PDE4D: variants seen among roughly 807,000 people sequenced by gnomAD.
PDE4D encodes the protein 3',5'-cyclic-AMP phosphodiesterase 4D.
PDE4D carries 24 observed loss-of-function variants against 87.4 expected under a neutral mutation model. The observed-to-expected ratio is 0.27, with a 90% CI of 0.20 to 0.39. The LOEUF (loss-of-function observed/expected upper bound fraction) is 0.39, where lower values mean the gene tolerates loss of function less well. Ranked by LOEUF, PDE4D falls within the 10% of genes least tolerant of loss-of-function variation. PDE4D has a pLI of 1.00. For missense variants in PDE4D, 714 were observed against 1,041.0 expected (o/e 0.69, Z 4.32); for synonymous variants, 384 against 383.2 (o/e 1.00, Z -0.02).
Position 58,974,859 on chromosome 5 carries a change from C to A in PDE4D, c.2235G>T (p.Glu745Asp), listed in dbSNP as rs182029606. 8.2e-5 allele frequency: 133 copies of A among 1,612,684 alleles called. No individual in the cohort carries two copies. Among genetic ancestry groups the A allele is most frequent in the Non-Finnish European group, 1.1e-4 (129 of 1,179,108 alleles). ...TGCCACTGTCCTTTTCCGTGTCTGA[C>A]TCACCATCTTCCTCTAAAGTTAGTT... ...QFELTLEEDG[E>D]SDTEKDSGSQ... Residue 745 changes from glutamate (E) to aspartate (D), a missense_variant, in exon 15 of 15, where the codon GAG becomes GAT. Physicochemically the swap from Glu to Asp is conservative, Grantham distance 45. Coordinates refer to ENST00000340635, the MANE Select transcript of PDE4D (RefSeq NM_001104631.2).
At chr5:59,624,744 T>C (rs1830703929) in intron 1 of PDE4D, among the ~76,000 whole-genome samples, 1 of 152,264 alleles carries the variant, frequency 6.6e-6, no homozygotes, top group South Asian at 2.1e-4. Context: ...ATGGTAGAAC[T>C]CTTAGCATTC....
intron 1 of PDE4D, among the ~76,000 whole-genome samples, chr5:59,838,597 T>A (rs1347861057): frequency 2.0e-5 from 3 of 152,096 alleles, no homozygotes; most frequent in Admixed American, 2.0e-4. Flanking sequence ...AATGTCAGAT[T>A]ACCAACTCGT....
chr5:59,638,410 G>A (rs192213081), intron 1 of PDE4D, among the ~76,000 whole-genome samples: 224 of 152,204 alleles, frequency 1.5e-3, no homozygotes, highest in African/African-American at 5.1e-3. Flanking sequence ...AAAAGAAAAG[G>A]TGACTTGCTG....
At chr5:59,441,086 C>G (rs1185577524) in intron 1 of PDE4D, among the ~76,000 whole-genome samples, 1 of 152,168 alleles carries the variant, frequency 6.6e-6, no homozygotes, top group African/African-American at 2.4e-5. Flanking sequence ...CATTCAAAAA[C>G]AAGCCTGAGT....
intron 1 of PDE4D, among the ~76,000 whole-genome samples, chr5:59,281,266 T>C (rs941241039): frequency 2.0e-5 from 3 of 152,148 alleles, no homozygotes; most frequent in Non-Finnish European, 4.4e-5. Flanking sequence ...CCTACTTCTA[T>C]CTTTATGTAT....
chr5:60,042,121 G>A (rs1055584164), intron 2 of PDE4D, among the ~76,000 whole-genome samples: 1 of 152,110 alleles, frequency 6.6e-6, no homozygotes, highest in African/African-American at 2.4e-5. Context: ...CTTGGTGAGG[G>A]GAGGGGTGTC....
intron 1 of PDE4D, chr5:59,275,479 G>A: frequency 6.5e-7 from 1 of 1,543,770 alleles, no homozygotes; most frequent in Non-Finnish European, 8.7e-7. Context: ...CTGCAAAGAA[G>A]ATTTTAAAGA....
chr5:60,358,755 G>A (rs1219724794), intron 1 of PDE4D, among the ~76,000 whole-genome samples: 2 of 152,136 alleles, frequency 1.3e-5, no homozygotes, highest in Non-Finnish European at 2.9e-5. Flanking sequence ...CAAGTTCAGT[G>A]TTGAGATATT....
chr5:60,097,681 G>A (rs2149324269), intron 2 of PDE4D, among the ~76,000 whole-genome samples: 1 of 151,882 alleles, frequency 6.6e-6, no homozygotes, highest in Non-Finnish European at 1.5e-5. Flanking sequence ...GGTAATATTA[G>A]AGATCAGTTA....
intron 1 of PDE4D, among the ~76,000 whole-genome samples, chr5:59,381,796 T>A (rs1785920325): frequency 6.6e-6 from 1 of 152,134 alleles, no homozygotes. Flanking sequence ...TTCCAGGAAG[T>A]GGATCTATTT....
intron 1 of PDE4D, among the ~76,000 whole-genome samples, chr5:59,286,374 T>G: frequency 6.6e-6 from 1 of 152,196 alleles, no homozygotes; most frequent in East Asian, 1.9e-4. Context: ...ATGCCCTAGG[T>G]CTTACATTAG....
intron 5 of PDE4D, among the ~76,000 whole-genome samples, chr5:59,068,978 G>A (rs1291912115): frequency 6.6e-6 from 1 of 152,228 alleles, no homozygotes; most frequent in African/African-American, 2.4e-5. Context: ...GGAAGAGTAA[G>A]TAGTTTATCA....
chr5:59,311,316 C>T (rs1347851722), intron 1 of PDE4D, among the ~76,000 whole-genome samples: 1 of 151,666 alleles, frequency 6.6e-6, no homozygotes, highest in Non-Finnish European at 1.5e-5. Flanking sequence ...CACCTGAGTT[C>T]AGGACAAAAC....
At chr5:59,498,595 G>A (rs1807658916) in intron 1 of PDE4D, among the ~76,000 whole-genome samples, 1 of 151,706 alleles carries the variant, frequency 6.6e-6, no homozygotes, top group South Asian at 2.1e-4. Flanking sequence ...GATCTATCAT[G>A]CAAATAGGAA....
At chr5:59,282,898 T>C (rs983234024) in intron 1 of PDE4D, among the ~76,000 whole-genome samples, 14 of 152,090 alleles carry the variant, frequency 9.2e-5, no homozygotes, top group African/African-American at 3.4e-4. Flanking sequence ...TACAAATAAG[T>C]TTTCTCTAAT....
intron 1 of PDE4D, among the ~76,000 whole-genome samples, chr5:59,271,648 A>G (rs184981607): frequency 5.6e-4 from 86 of 152,230 alleles, no homozygotes; most frequent in African/African-American, 1.8e-3. Context: ...ATAATCCTCC[A>G]TTGGTCAGAG....
intron 1 of PDE4D, among the ~76,000 whole-genome samples, chr5:59,274,295 C>A (rs913837189): frequency 2.6e-4 from 40 of 152,084 alleles, no homozygotes; most frequent in Admixed American, 2.6e-3. Flanking sequence ...AGAAATACTG[C>A]GGATGGGGCA....
chr5:59,192,514 T>C (rs1361739089), intron 3 of PDE4D, among the ~76,000 whole-genome samples: 1 of 152,110 alleles, frequency 6.6e-6, no homozygotes, highest in Non-Finnish European at 1.5e-5. Flanking sequence ...TTCATCCAGC[T>C]CAGTCCCCTA....
At chr5:59,496,005 G>A (rs1178667630) in intron 1 of PDE4D, among the ~76,000 whole-genome samples, 2 of 152,142 alleles carry the variant, frequency 1.3e-5, no homozygotes, top group African/African-American at 4.8e-5. Context: ...TCTGTATCCC[G>A]GGTTCTTGCC....
Sources: allele counts gnomAD v4.1 joint callset (sites outside exome capture counted in the v4.1 genomes callset), GRCh38; gene constraint gnomAD v4.1.1; transcripts MANE v1.5; gene names NCBI Gene and HGNC (gene_info 2026-07-23, HGNC 2026-07-21).